Variants in ST6GALNAC1 observed in about 807,000 individuals in gnomAD.
ST6GALNAC1 encodes the protein ST6 N-acetylgalactosaminide alpha-2,6-sialyltransferase 1.
In ST6GALNAC1, 45 loss-of-function variants were observed where a neutral mutation model predicts 56.8. That is an observed-to-expected ratio of 0.79 (90% CI 0.62 to 1.02). The LOEUF is 1.02. Among genes scored for constraint, ST6GALNAC1 ranks in the 50% least tolerant of loss-of-function variants. The probability of loss-of-function intolerance (pLI) is 0.00; values close to 1 mark genes in which losing one functional copy is unlikely to be tolerated. For synonymous variants in ST6GALNAC1, 295 were observed against 297.8 expected, an observed-to-expected ratio of 0.99 and a Z score of 0.10; for missense variants, 743 against 754.8, an observed-to-expected ratio of 0.98 and a Z score of 0.18.
chr17:76,631,193 C>T (rs1333169900), intron 1 of ST6GALNAC1, among the ~76,000 whole-genome samples: 2 of 151,308 alleles, frequency 1.3e-5, no homozygotes, highest in Non-Finnish European at 3.0e-5. Context: ...ATCCTCCACC[C>T]TTGGCCTCCC....
At chr17:76,630,883 G>A (rs1352685207) in intron 1 of ST6GALNAC1, among the ~76,000 whole-genome samples, 4 of 145,430 alleles carry the variant, frequency 2.8e-5, no homozygotes, top group Admixed American at 6.9e-5. Flanking sequence ...GAGCCACCGC[G>A]CCCAATTTTT....
chr17:76,626,581 C>G, intron 5 of ST6GALNAC1, 70 bp downstream of exon 5: 1 of 1,603,338 alleles, frequency 6.2e-7, no homozygotes, highest in Non-Finnish European at 8.5e-7. Context: ...AGCCTCTCCT[C>G]TCCCTTCTCA....
chr17:76,629,510 C>A lies in ST6GALNAC1; in HGVS notation c.333G>T (p.Glu111Asp). 1 of 1,614,052 alleles carries A rather than the reference C, an allele frequency of 6.2e-7. No homozygotes were observed. Among genetic ancestry groups the A allele is most frequent in the Non-Finnish European group, 8.5e-7 (1 of 1,180,022 alleles). ...GTGCTGTGTGGGGCACCTTGTCCTG[C>A]TCCTCCGGCGGTGCCTGGTTGGCCT... is the stretch of plus-strand genomic sequence containing the variant. ...GKEANQAPPEEQDKVPHTAQR... is the reference protein window; with the variant it reads ...GKEANQAPPEDQDKVPHTAQR... Residue 111 changes from glutamate to aspartate, a missense_variant, in exon 2 of 9, where the codon GAG (glutamate) becomes GAT (aspartate). Physicochemically the swap from Glu to Asp is conservative, Grantham distance 45. Coordinates refer to ENST00000156626, the MANE Select transcript of ST6GALNAC1 (RefSeq NM_018414.5).
At chr17:76,641,417 C>G (rs1381221017) in intron 1 of ST6GALNAC1, among the ~76,000 whole-genome samples, 1 of 151,880 alleles carries the variant, frequency 6.6e-6, no homozygotes, top group East Asian at 1.9e-4. Flanking sequence ...ATACAAAAAG[C>G]TCCTACAAAT....
chr17:76,620,228 C>T (rs980452283), downstream of ST6GALNAC1, among the ~76,000 whole-genome samples: 10 of 150,574 alleles, frequency 6.6e-5, no homozygotes, highest in South Asian at 1.1e-3. Flanking sequence ...TTAGTGGAGA[C>T]GGGGTTTCTT....
chr17:76,625,897 C>T lies in ST6GALNAC1; in HGVS notation c.1527G>A (p.Leu509=). The change falls in exon 8 of 9, where the codon CTG becomes CTA. Residue 509 remains leucine, a synonymous_variant. Transcript: ENST00000156626. Reference sequence around the variant, plus strand: ...GGTATATCCTCCAGTGGGCACCATCCAGGGTCTTAGACCTCAGAAACCTGT... The same window carrying T: ...GGTATATCCTCCAGTGGGCACCATCTAGGGTCTTAGACCTCAGAAACCTGT... ...MKNRFLRSKT[L]DGAHWRIYRP... 1 of 1,571,588 alleles carries T rather than the reference C, an allele frequency of 6.4e-7. No individual in the cohort carries two copies. The highest frequency in any genetic ancestry group is 2.2e-5 in the East Asian group (1 of 44,682).
chr17:76,637,109 G>A (rs999316815), intron 1 of ST6GALNAC1, among the ~76,000 whole-genome samples: 14 of 151,778 alleles, frequency 9.2e-5, no homozygotes, highest in African/African-American at 9.7e-5. Context: ...CTAATCTCAA[G>A]TTCCCAGGGA....
rs777175577 is a variant in ST6GALNAC1 at position 76,629,243 on chromosome 17, C to T, written c.600G>A (p.Gln200=). Residue 200 remains glutamine (Q), a synonymous_variant, in exon 2 of 9, where the codon CAG becomes CAA. Coordinates refer to ENST00000156626, the MANE Select transcript of ST6GALNAC1 (RefSeq NM_018414.5). ...TTAKTLIPKS[Q]HRMLAPTGAV... is the part of the protein sequence containing the mutation. ...CTCCTGTGGGAGCCAGCATTCTGTG[C>T]TGACTTTTGGGAATGAGCGTCTTGG... The T allele has an allele frequency of 1.9e-5, 30 of 1,614,052 alleles. No homozygotes were observed. In the South Asian group the frequency reaches 3.0e-4, roughly 16 times the overall value.
At chr17:76,626,263 G>A in intron 6 of ST6GALNAC1, 26 bp downstream of exon 6, 2 of 1,610,246 alleles carry the variant, frequency 1.2e-6, no homozygotes, top group South Asian at 2.2e-5. Context: ...CCTGGGATAA[G>A]GGGATGGCAG....
intron 2 of ST6GALNAC1, among the ~76,000 whole-genome samples, chr17:76,628,251 C>CCTCA: frequency 4.8e-5 from 3 of 62,130 alleles, no homozygotes; most frequent in Admixed American, 1.9e-4. Context: ...TCCCTCCCTC[C>CCTCA]CTCCCTCCCT....
At position 76,626,315 on chromosome 17, in the gene ST6GALNAC1, C is replaced by T. The variant is rs1472871877; in HGVS notation, c.1389G>A (p.Val463=). ...TGAACCAGAAAAGGTTTTTTGACAT[C>T]ACCGTCTGATTCATAAGCAGTGCTT... ...WLEALLMNQT[V]MSKNLFWFRH... is the part of the protein sequence containing the mutation. The change falls in exon 6 of 9, where the codon GTG becomes GTA. Residue 463 remains valine (V), a synonymous_variant. Transcript: ENST00000156626. The T allele has an allele frequency of 6.2e-7, 1 of 1,614,192 alleles. No individual in the cohort carries two copies. Among genetic ancestry groups the T allele is most frequent in the Admixed American group, 1.7e-5 (1 of 60,012 alleles).
chr17:76,637,478 T>C lies in ST6GALNAC1; in HGVS notation c.131+6030A>G, dbSNP rs2075993349. On this transcript the variant is annotated intron_variant, in intron 1 of 8. Coordinates refer to ENST00000156626, the MANE Select transcript of ST6GALNAC1 (RefSeq NM_018414.5). ...CCCTAGAAACACCACTCATCTGTTC[T>C]GTATTTTTATAATTTTATCATTTCA... is the stretch of plus-strand genomic sequence containing the variant. 1.6e-5 allele frequency: 6 copies of C among 375,844 alleles called. No homozygotes were observed. The South Asian group carries it at 5.9e-4, about 37-fold the overall frequency. The allele number at this position is 375,844 out of a possible 1,614,324, so 23.3% of individuals were successfully genotyped here.
chr17:76,640,841 A>G (rs2143492679), intron 1 of ST6GALNAC1, among the ~76,000 whole-genome samples: 1 of 152,358 alleles, frequency 6.6e-6, no homozygotes, highest in East Asian at 1.9e-4. Context: ...AAAACCAAAC[A>G]AATATCAGGC....
chr17:76,625,981 C>T (rs776670843), intron 7 of ST6GALNAC1, 25 bp downstream of exon 7: 25 of 1,612,328 alleles, frequency 1.6e-5, no homozygotes, highest in African/African-American at 6.7e-5. Context: ...ACCTGGGCTA[C>T]GTGTCACGTG....
chr17:76,628,076 G>A (rs1250112235), intron 2 of ST6GALNAC1, among the ~76,000 whole-genome samples: 59 of 137,562 alleles, frequency 4.3e-4, no homozygotes, highest in Middle Eastern at 4.2e-3. Flanking sequence ...CAGCCTGGGC[G>A]ACAGAGCGAG....
intron 1 of ST6GALNAC1, among the ~76,000 whole-genome samples, chr17:76,635,728 A>G (rs1303410056): frequency 6.6e-6 from 1 of 152,256 alleles, no homozygotes; most frequent in Non-Finnish European, 1.5e-5. Flanking sequence ...TGCAATGTTT[A>G]TTCTGCAATA....
At position 76,642,104 on chromosome 17, in the gene ST6GALNAC1, G is replaced by A. The variant is rs570912183; in HGVS notation, c.131+1404C>T. 2.6e-4 allele frequency among the ~76,000 whole-genome samples: 39 copies of A among 150,356 alleles called. 1 individual carries two copies. The highest frequency in any genetic ancestry group is 4.2e-4 in the South Asian group (2 of 4,788). On this transcript the variant is annotated intron_variant, in intron 1 of 8. Transcript: ENST00000156626. ...GACATATAGTATATCAATATATAGC[G>A]TATATATTGTATATATATCTCCATA...
intron 1 of ST6GALNAC1, among the ~76,000 whole-genome samples, chr17:76,632,023 C>A (rs2075909005): frequency 6.6e-6 from 1 of 152,020 alleles, no homozygotes. Context: ...TGAGGCTCAC[C>A]ACTCCCCTTG....
rs1286164130 is a variant in ST6GALNAC1, at chr17:76,627,279, G to T, written c.1001-41C>A. The T allele has an allele frequency of 8.4e-6, 13 of 1,550,572 alleles. No individual in the cohort carries two copies. The South Asian group carries it at 1.6e-4, about 19-fold the overall frequency. On this transcript the variant is annotated intron_variant, in intron 3 of 8. Coordinates refer to ENST00000156626, the MANE Select transcript of ST6GALNAC1 (RefSeq NM_018414.5). This position sits in a 1 kb window ranked among gnomAD's most constrained non-coding sequence, Gnocchi z 4.4. ...GGGTGCTCCATTCAGAGCCCTGGGA[G>T]GGACAGGAGTCCGACCCATCATTCC... is the stretch of plus-strand genomic sequence containing the variant.
Sources: gnomAD v4.1 joint callset for allele counts (sites outside exome capture counted in the v4.1 genomes callset) on GRCh38, gnomAD v4.1.1 for gene constraint, Gnocchi (gnomAD v3.1) non-coding constraint, MANE v1.5 for transcripts, NCBI Gene and HGNC (gene_info 2026-07-23, HGNC 2026-07-21) for gene names.